Variants in PPFIBP2 observed in about 807,000 individuals in gnomAD.
PPFIBP2 encodes PPFIB scaffold protein 2.
Under a neutral mutation model 118.3 loss-of-function variants are expected in PPFIBP2, and 118 were observed. The observed-to-expected ratio is 1.00, with a 90% CI of 0.86 to 1.16. PPFIBP2 has a LOEUF of 1.16. Among genes scored for constraint, PPFIBP2 ranks in the 50% most tolerant of loss-of-function variants. PPFIBP2 has a pLI of 0.00. For synonymous variants in PPFIBP2, 414 were observed against 397.4 expected, an observed-to-expected ratio of 1.04 and a Z score of -0.50; for missense variants, 1,195 against 1,073.1, an observed-to-expected ratio of 1.11 and a Z score of -1.59.
chr11:7,596,820 G>C (rs1420088976), intron 4 of PPFIBP2, among the ~76,000 whole-genome samples: 1 of 152,166 alleles, frequency 6.6e-6, no homozygotes, highest in Non-Finnish European at 1.5e-5. Flanking sequence ...AATAGAGAAG[G>C]CTATGAAAAC....
chr11:7,561,026 A>G (rs1200709251), intron 2 of PPFIBP2, among the ~76,000 whole-genome samples: 3 of 152,070 alleles, frequency 2.0e-5, no homozygotes, highest in Non-Finnish European at 4.4e-5. Context: ...CTCTTTTTGT[A>G]TGAAGGCTAT....
intron 3 of PPFIBP2, among the ~76,000 whole-genome samples, chr11:7,567,522 A>G (rs1462524181): frequency 7.9e-5 from 12 of 152,250 alleles, no homozygotes; most frequent in Admixed American, 7.2e-4. Context: ...TCACTAACCT[A>G]TGCATGGCGA....
chr11:7,539,923 C>T (rs566652118), intron 1 of PPFIBP2, among the ~76,000 whole-genome samples: 10 of 152,310 alleles, frequency 6.6e-5, no homozygotes, highest in Non-Finnish European at 1.5e-4. Flanking sequence ...GTTGTGAACT[C>T]CCACCCAGTT....
intron 6 of PPFIBP2, among the ~76,000 whole-genome samples, chr11:7,611,492 G>A (rs1179983356): frequency 1.3e-5 from 2 of 152,210 alleles, no homozygotes; most frequent in Non-Finnish European, 2.9e-5. Flanking sequence ...TTGCTTTTGA[G>A]AACATGTTCA....
chr11:7,551,416 T>C (rs1237661249), intron 2 of PPFIBP2, among the ~76,000 whole-genome samples: 1 of 152,194 alleles, frequency 6.6e-6, no homozygotes. Flanking sequence ...TTGATTATAT[T>C]TTTGTGATAT....
intron 3 of PPFIBP2, among the ~76,000 whole-genome samples, chr11:7,566,767 C>T (rs1378403552): frequency 6.6e-6 from 1 of 152,118 alleles, no homozygotes; most frequent in East Asian, 1.9e-4. Flanking sequence ...AATTTCCTTA[C>T]ATGTATATAA....
chr11:7,605,799 G>A (rs1024734934), intron 5 of PPFIBP2: 4 of 1,388,244 alleles, frequency 2.9e-6, no homozygotes, highest in Non-Finnish European at 3.7e-6. Context: ...TGTGGCCAGA[G>A]GAGAGAATTT....
At chr11:7,595,511 A>G (rs978449412) in intron 4 of PPFIBP2, among the ~76,000 whole-genome samples, 11 of 152,230 alleles carry the variant, frequency 7.2e-5, no homozygotes, top group Non-Finnish European at 1.3e-4. Flanking sequence ...AAATTCTTGA[A>G]TAATCCCCAT....
At chr11:7,604,620 G>C (rs1847119616) in intron 5 of PPFIBP2, among the ~76,000 whole-genome samples, 1 of 152,170 alleles carries the variant, frequency 6.6e-6, no homozygotes, top group Non-Finnish European at 1.5e-5. Context: ...CCATGCATTT[G>C]TCCAGCAAGA....
intron 4 of PPFIBP2, among the ~76,000 whole-genome samples, chr11:7,593,977 T>A (rs1196260957): frequency 6.6e-6 from 1 of 152,196 alleles, no homozygotes; most frequent in East Asian, 1.9e-4. Flanking sequence ...TTGGAAAATA[T>A]AAAGGCTAGT....
At chr11:7,563,547 CAAG>C (rs1026232864) in intron 2 of PPFIBP2, among the ~76,000 whole-genome samples, 18 of 152,194 alleles carry the variant, frequency 1.2e-4, no homozygotes, top group African/African-American at 4.3e-4. Flanking sequence ...TTCTGCCTGG[CAAG>C]GAGGAGGTTG....
At chr11:7,639,100 C>T (rs1308809662) in intron 14 of PPFIBP2, among the ~76,000 whole-genome samples, 1 of 152,166 alleles carries the variant, frequency 6.6e-6, no homozygotes, top group Non-Finnish European at 1.5e-5. Flanking sequence ...TATAATTTCC[C>T]TTCTGTACCA....
chr11:7,611,186 C>G (rs1187928094), intron 6 of PPFIBP2, among the ~76,000 whole-genome samples: 1 of 152,180 alleles, frequency 6.6e-6, no homozygotes, highest in Non-Finnish European at 1.5e-5. Context: ...CTTAATAGTT[C>G]TATGAACTTC....
At chr11:7,565,833 A>G in intron 3 of PPFIBP2, 66 bp downstream of exon 3, 1 of 1,538,516 alleles carries the variant, frequency 6.5e-7, no homozygotes, top group Non-Finnish European at 8.9e-7. Flanking sequence ...ATGGAGTGCC[A>G]CTGCTGACTG....
At chr11:7,659,840 G>T (rs1854853733), downstream of PPFIBP2, among the ~76,000 whole-genome samples, 1 of 105,140 alleles carries the variant, frequency 9.5e-6, no homozygotes, top group Non-Finnish European at 2.3e-5. Flanking sequence ...GTGGTTTGTA[G>T]TTCTCCTTGA....
chr11:7,618,150 C>A (rs1262469324), intron 6 of PPFIBP2, among the ~76,000 whole-genome samples: 1 of 151,922 alleles, frequency 6.6e-6, no homozygotes, highest in African/African-American at 2.4e-5. Context: ...ATAGGTGTTG[C>A]GGGAAGGGAT....
In PPFIBP2 at chr11:7,653,345, C is replaced by T; in HGVS notation, c.*127C>T. 1 of 1,497,440 alleles carries T rather than the reference C, an allele frequency of 6.7e-7. No individual in the cohort carries two copies. The highest frequency in any genetic ancestry group is 8.9e-7 in the Non-Finnish European group (1 of 1,127,602). 92.8% of individuals were successfully genotyped at this position (1,497,440 alleles called of 1,614,324 possible). A position where few individuals can be genotyped will look rare whatever the true frequency, so the allele number is the denominator to read the frequency against. ...AGAGAATATTCCAGCAATTGTGTAC[C>T]CCTGGGCCAGTCTCTTTGAACCCTG... is the stretch of plus-strand genomic sequence containing the variant. On this transcript the variant is annotated 3_prime_UTR_variant, in exon 24 of 24. Transcript: ENST00000299492.
Position 7,653,083 on chromosome 11 carries a change from G to A in PPFIBP2, c.2496G>A (p.Ser832=), listed in dbSNP as rs775543186. 18 of 1,613,804 alleles carry A rather than the reference G, an allele frequency of 1.1e-5. No individual in the cohort carries two copies. The highest frequency in any genetic ancestry group is 2.2e-5 in the South Asian group (2 of 91,072). ...TAAGAAAAAAGAAGTTCGATGAATC[G>A]ACGGACTACATTTGCCCAATGGAGC... ...GNIRKKKFDE[S]TDYICPMEPS... Residue 832 remains serine (S), a synonymous_variant, in exon 24 of 24, where the codon TCG becomes TCA. Transcript: ENST00000299492.
chr11:7,536,050 T>G (rs2134387565), intron 1 of PPFIBP2, among the ~76,000 whole-genome samples: 1 of 152,382 alleles, frequency 6.6e-6, no homozygotes, highest in South Asian at 2.1e-4. Context: ...CGCTTTACTC[T>G]GTTAACATTT....
Sources: gnomAD v4.1 joint callset for allele counts (sites outside exome capture counted in the v4.1 genomes callset) on GRCh38, gnomAD v4.1.1 for gene constraint, MANE v1.5 for transcripts, NCBI Gene and HGNC (gene_info 2026-07-23, HGNC 2026-07-21) for gene names.